CACNB4: variants seen among roughly 807,000 people sequenced by gnomAD.
The protein encoded by CACNB4 is voltage-dependent L-type calcium channel subunit beta-4.
Under a neutral mutation model 71.2 loss-of-function variants are expected in CACNB4, and 32 were observed. The ratio of observed to expected loss-of-function variants is 0.45; its 90% CI spans 0.34 to 0.60. The LOEUF (loss-of-function observed/expected upper bound fraction) is 0.60. CACNB4 is among the 20% of genes least tolerant of loss of function. CACNB4 has a pLI of 0.01. For synonymous variants in CACNB4, 231 were observed against 236.9 expected (o/e 0.97, Z 0.23); for missense variants, 464 against 647.9 (o/e 0.72, Z 3.08).
At chr2:151,911,760 C>T (rs1395974705) in intron 2 of CACNB4, among the ~76,000 whole-genome samples, 1 of 152,126 alleles carries the variant, frequency 6.6e-6, no homozygotes, top group Non-Finnish European at 1.5e-5. Context: ...GGTACCAGCT[C>T]CTCCTTGTAT....
chr2:151,886,598 T>G (rs1267972006), intron 2 of CACNB4, among the ~76,000 whole-genome samples: 1 of 152,214 alleles, frequency 6.6e-6, no homozygotes, highest in African/African-American at 2.4e-5. Flanking sequence ...TACTCCCTGT[T>G]TCTAAGGATA....
chr2:151,994,546 C>A (rs1560116802), intron 2 of CACNB4, among the ~76,000 whole-genome samples: 1 of 151,872 alleles, frequency 6.6e-6, no homozygotes, highest in African/African-American at 2.4e-5. Context: ...CAGTCTCACT[C>A]TGTCGCCCAG....
At chr2:151,849,858 G>C (rs1429816030) in intron 12 of CACNB4, among the ~76,000 whole-genome samples, 2 of 152,184 alleles carry the variant, frequency 1.3e-5, no homozygotes, top group African/African-American at 4.8e-5. Context: ...CCCAGAACAA[G>C]GGGGCAAGTT....
At chr2:151,984,984 G>A (rs558307514) in intron 2 of CACNB4, among the ~76,000 whole-genome samples, 46 of 152,092 alleles carry the variant, frequency 3.0e-4, no homozygotes, top group Middle Eastern at 6.8e-3. Flanking sequence ...TTCACAGATC[G>A]ATTCCCCAAT....
intron 3 of CACNB4, 22 bp from the exon 4 acceptor site, chr2:151,880,944 A>G (rs2099847668): frequency 6.3e-7 from 1 of 1,586,646 alleles, no homozygotes; most frequent in African/African-American, 1.4e-5. Context: ...ACCATGGAAT[A>G]AGGAATGAGG....
intron 2 of CACNB4, among the ~76,000 whole-genome samples, chr2:151,963,866 G>A (rs1165403447): frequency 7.9e-5 from 12 of 151,962 alleles, no homozygotes; most frequent in African/African-American, 2.9e-4. Context: ...TCAGGAGTTC[G>A]AGACCAGCCT....
At chr2:151,931,058 A>G (rs771155839) in intron 2 of CACNB4, among the ~76,000 whole-genome samples, 4 of 152,218 alleles carry the variant, frequency 2.6e-5, no homozygotes, top group Non-Finnish European at 5.9e-5. Context: ...AACATGCCAG[A>G]ACCATATCTA....
chr2:151,947,866 C>T (rs917971488), intron 2 of CACNB4, among the ~76,000 whole-genome samples: 3 of 152,108 alleles, frequency 2.0e-5, no homozygotes, highest in Non-Finnish European at 4.4e-5. Flanking sequence ...AAACAAGCAG[C>T]AGTAGCTTAA....
chr2:152,064,136 T>A (rs1320097310), intron 2 of CACNB4, among the ~76,000 whole-genome samples: 1 of 152,212 alleles, frequency 6.6e-6, no homozygotes, highest in African/African-American at 2.4e-5. Flanking sequence ...TAGGTCTAGC[T>A]ATGTCTAACG....
intron 2 of CACNB4, among the ~76,000 whole-genome samples, chr2:152,017,419 T>C (rs1683402123): frequency 1.4e-5 from 2 of 142,342 alleles, no homozygotes; most frequent in Non-Finnish European, 2.9e-5. Context: ...CTTAAAAAAA[T>C]GAGATGGGCC....
At chr2:151,961,398 C>A (rs942041030) in intron 2 of CACNB4, among the ~76,000 whole-genome samples, 1 of 152,198 alleles carries the variant, frequency 6.6e-6, no homozygotes, top group Non-Finnish European at 1.5e-5. Context: ...ACATTTAAAT[C>A]TTTTATTTGC....
chr2:152,099,124 G>A (rs1164037728), upstream of CACNB4: 3 of 619,026 alleles, frequency 4.8e-6, no homozygotes, highest in Non-Finnish European at 8.0e-6. Context: ...CCGGCTCCAG[G>A]ACCCGCGCCG....
chr2:152,031,530 C>A (rs1364696283), intron 2 of CACNB4, among the ~76,000 whole-genome samples: 1 of 152,160 alleles, frequency 6.6e-6, no homozygotes, highest in Non-Finnish European at 1.5e-5. Context: ...CTCTGCAGCA[C>A]AACCTGAGGG....
chr2:151,865,710 A>G (rs556591368), intron 9 of CACNB4: 9 of 152,206 alleles, frequency 5.9e-5, no homozygotes, highest in Non-Finnish European at 1.2e-4. Context: ...TCATTGCTTC[A>G]TGTAGATATT....
intron 2 of CACNB4, among the ~76,000 whole-genome samples, chr2:152,085,284 G>A (rs1039368365): frequency 1.3e-5 from 2 of 152,110 alleles, no homozygotes; most frequent in Non-Finnish European, 2.9e-5. Flanking sequence ...ATGGGAGCAC[G>A]GCTGCTTTGT....
intron 2 of CACNB4, among the ~76,000 whole-genome samples, chr2:152,062,899 T>C (rs1258276512): frequency 1.3e-5 from 2 of 152,174 alleles, no homozygotes; most frequent in Admixed American, 6.5e-5. Context: ...TCTCTGAAAT[T>C]AGCATATCAA....
rs964252363 is a variant in CACNB4, at chr2:152,084,204, G to C, written c.147+14126C>G. 2.0e-5 allele frequency among the ~76,000 whole-genome samples: 3 copies of C among 152,166 alleles called. No individual in the cohort carries two copies. The South Asian group carries it at 6.2e-4, about 32-fold the overall frequency. The stretch of plus-strand genomic sequence containing the variant: ...GAGAGATGCAGGTCATGCTGCAGAA[G>C]CTGGCTTTACAAAAGAATCTGGGAG... On this transcript the variant is annotated intron_variant, in intron 2 of 13. Coordinates refer to ENST00000539935, the MANE Select transcript of CACNB4 (RefSeq NM_000726.5).
chr2:152,091,600 T>C (rs1334476840), intron 2 of CACNB4, among the ~76,000 whole-genome samples: 1 of 152,088 alleles, frequency 6.6e-6, no homozygotes, highest in Non-Finnish European at 1.5e-5. Flanking sequence ...ATTGTACCAC[T>C]GCACTCCAGC....
At chr2:152,069,451 ACCC>A (rs910026275) in intron 2 of CACNB4, among the ~76,000 whole-genome samples, 19 of 147,162 alleles carry the variant, frequency 1.3e-4, no homozygotes, top group African/African-American at 4.8e-4. Flanking sequence ...CCAGATACTC[ACCC>A]CCAACCAACC....
Sources: gnomAD v4.1 joint callset for allele counts (sites outside exome capture counted in the v4.1 genomes callset) on GRCh38, gnomAD v4.1.1 for gene constraint, MANE v1.5 for transcripts, NCBI Gene and HGNC (gene_info 2026-07-23, HGNC 2026-07-21) for gene names.